Variants in ALS2 observed in about 807,000 individuals in gnomAD.
ALS2 encodes the protein alsin.
In ALS2, 117 loss-of-function variants were observed where a neutral mutation model predicts 203.4. That is an observed-to-expected ratio of 0.58 (90% CI 0.50 to 0.67). The LOEUF is 0.67. Among genes scored for constraint, ALS2 ranks in the 30% least tolerant of loss-of-function variants. The pLI is 0.00. For missense variants in ALS2, 1,715 were observed against 1,989.4 expected, an observed-to-expected ratio of 0.86 and a Z score of 2.62; for synonymous variants, 718 against 725.9, an observed-to-expected ratio of 0.99 and a Z score of 0.17.
intron 29 of ALS2, among the ~76,000 whole-genome samples, chr2:201,706,157 G>A (rs934760789): frequency 3.3e-5 from 5 of 151,984 alleles, no homozygotes; most frequent in African/African-American, 7.3e-5. Context: ...AGGCCGAGGC[G>A]AGCAGATCAC....
In ALS2 at chr2:201,708,020, C is replaced by T. The variant is rs759713373; in HGVS notation, c.4281-29G>A. The stretch of plus-strand genomic sequence containing the variant: ...AGGAAGAATAAAAAATATAATTATA[C>T]AATTATACCTCTAGGGGGGTTGAAA... On this transcript the variant is annotated intron_variant, in intron 27 of 33. Coordinates refer to ENST00000264276, the MANE Select transcript of ALS2 (RefSeq NM_020919.4). The T allele has an allele frequency of 5.0e-6, 8 of 1,592,536 alleles. No individual in the cohort carries two copies. The Admixed American group carries it at 6.7e-5, about 13-fold the overall frequency.
chr2:201,713,245 T>C (rs780492997), intron 25 of ALS2, among the ~76,000 whole-genome samples: 2 of 149,648 alleles, frequency 1.3e-5, no homozygotes, highest in Non-Finnish European at 3.0e-5. Flanking sequence ...CCAGCGATTC[T>C]CCTGCCTCAG....
At chr2:201,742,540 C>A (rs77981413) in intron 10 of ALS2, among the ~76,000 whole-genome samples, 103 of 152,338 alleles carry the variant, frequency 6.8e-4, no homozygotes, top group African/African-American at 2.4e-3. Flanking sequence ...CAGATTTAAC[C>A]TTTCTTTCAG....
rs1559084482 is a variant in ALS2, at chr2:201,761,825, G to GT, written c.176-8dup. On this transcript the variant is annotated splice_polypyrimidine_tract_variant and splice_region_variant and intron_variant, in intron 3 of 33. Coordinates refer to ENST00000264276, the MANE Select transcript of ALS2 (RefSeq NM_020919.4). ...AAGCTGTAGACCTCACCATCTGAAG[G>GT]TTAAAAAAAAGAAAAAAGAAAAAAA... is the stretch of plus-strand genomic sequence containing the variant. The GT allele has an allele frequency of 1.1e-5, 17 of 1,610,094 alleles. No individual in the cohort carries two copies. The highest frequency in any genetic ancestry group is 1.4e-5 in the Non-Finnish European group (17 of 1,178,962).
At chr2:201,708,022 A>C in intron 27 of ALS2, 31 bp from the exon 28 acceptor site, 2 of 1,594,932 alleles carry the variant, frequency 1.3e-6, no homozygotes, top group Non-Finnish European at 1.7e-6. Flanking sequence ...TAATTATACA[A>C]TTATACCTCT....
chr2:201,775,807 G>A (rs559350083), intron 1 of ALS2, among the ~76,000 whole-genome samples: 25 of 152,280 alleles, frequency 1.6e-4, no homozygotes, highest in African/African-American at 6.0e-4. Flanking sequence ...GATATATTCG[G>A]TAGGCTGGCC....
At chr2:201,723,306 A>C in intron 22 of ALS2, 24 bp downstream of exon 22, 1 of 1,564,746 alleles carries the variant, frequency 6.4e-7, no homozygotes, top group Middle Eastern at 1.7e-4. Flanking sequence ...GTTAGTAATA[A>C]CTACATGCAA....
intron 3 of ALS2, 92 bp downstream of exon 3, chr2:201,767,137 C>T: frequency 6.8e-7 from 1 of 1,467,472 alleles, no homozygotes; most frequent in Non-Finnish European, 9.5e-7. Context: ...AAAAAGAACC[C>T]CTAGTATCCA....
At position 201,709,952 on chromosome 2, in the gene ALS2, G is replaced by T. The variant is rs1689935255; in HGVS notation, c.4209C>A (p.Ala1403=). Residue 1403 remains alanine (A), a synonymous_variant, in exon 27 of 34, where the codon GCC becomes GCA. Transcript: ENST00000264276. The part of the protein sequence containing the change: ...VYRMTYVGVG[A]NRRLLQEAVK... ...CAGCCTCCTGCAATAACCTGCGGTT[G>T]GCTCCTACGCCCACGTATGTCATTC... 6.2e-7 allele frequency: 1 copy of T among 1,614,002 alleles called. No homozygotes were observed. The highest frequency in any genetic ancestry group is 1.3e-5 in the African/African-American group (1 of 74,916).
chr2:201,764,674 TAAATAAATAAAA>T (rs1436008937), intron 3 of ALS2, among the ~76,000 whole-genome samples: 1 of 150,580 alleles, frequency 6.6e-6, no homozygotes, highest in South Asian at 2.1e-4. Context: ...AATAAATAAA[TAAATAAATAAAA>T]GTGAATCAAT....
In ALS2 at chr2:201,725,408, G is replaced by A. The variant is rs747783308; in HGVS notation, c.3295C>T (p.His1099Tyr). 9 of 1,613,898 alleles carry A rather than the reference G, an allele frequency of 5.6e-6. No homozygotes were observed. The highest frequency in any genetic ancestry group is 7.6e-6 in the Non-Finnish European group (9 of 1,179,994). ...CCTTCTTTCCAATGGCCCACATAAT[G>A]GTCTTCTTTGTTCATTGCCTTGTTT... ...IPNKAMNKED[H>Y]YVGHWKEGKM... Residue 1099 changes from histidine (H) to tyrosine (Y), a missense_variant, in exon 20 of 34, where the codon CAT becomes TAT. Transcript: ENST00000264276.
intron 20 of ALS2, among the ~76,000 whole-genome samples, chr2:201,724,822 T>C (rs1691046332): frequency 6.6e-6 from 1 of 152,126 alleles, no homozygotes; most frequent in Non-Finnish European, 1.5e-5. Context: ...ATAAGGTATA[T>C]AAAATTTAGG....
chr2:201,766,141 T>A (rs958104577), intron 3 of ALS2, among the ~76,000 whole-genome samples: 1 of 152,234 alleles, frequency 6.6e-6, no homozygotes, highest in African/African-American at 2.4e-5. Flanking sequence ...TTAGCATTAG[T>A]ATTCTGATAG....
rs200448709 is a variant in ALS2, at chr2:201,757,778, A to C, written c.1114-19T>G. The C allele has an allele frequency of 2.5e-4, 383 of 1,549,838 alleles. No homozygotes were observed. The highest frequency in any genetic ancestry group is 3.3e-4 in the Non-Finnish European group (374 of 1,135,030). Reference sequence around the variant, plus strand: ...AAAGAGGCTAAAATATACACACATAAAAAATTATATAAAAATATAATCCCT... The same window carrying C: ...AAAGAGGCTAAAATATACACACATACAAAATTATATAAAAATATAATCCCT... On this transcript the variant is annotated intron_variant, in intron 4 of 33. Coordinates refer to ENST00000264276, the MANE Select transcript of ALS2 (RefSeq NM_020919.4).
chr2:201,705,817 C>T (rs1689674231), intron 29 of ALS2, among the ~76,000 whole-genome samples: 1 of 152,096 alleles, frequency 6.6e-6, no homozygotes, highest in Non-Finnish European at 1.5e-5. Flanking sequence ...GGTGCGTTGA[C>T]ACAGGCCTGT....
intron 3 of ALS2, among the ~76,000 whole-genome samples, chr2:201,762,371 C>T (rs774499078): frequency 6.6e-6 from 1 of 152,214 alleles, no homozygotes. Context: ...CTTAACAAGA[C>T]ATGGCTGTCT....
Position 201,701,894 on chromosome 2 carries a change from A to T in ALS2, c.4936-5T>A. ...CTGAATCTGGTAGTAACATGCCTGGAAGAAAAGTTCAAAATAATTTCAAAT... is the reference window on the plus strand; with the variant it reads ...CTGAATCTGGTAGTAACATGCCTGGTAGAAAAGTTCAAAATAATTTCAAAT... On this transcript the variant is annotated splice_region_variant and splice_polypyrimidine_tract_variant and intron_variant, in intron 33 of 33. Transcript: ENST00000264276. The T allele has an allele frequency of 2.5e-6, 4 of 1,613,680 alleles. No homozygotes were observed. The highest frequency in any genetic ancestry group is 3.4e-6 in the Non-Finnish European group (4 of 1,179,756).
chr2:201,750,539 T>C (rs1458978131), intron 7 of ALS2, among the ~76,000 whole-genome samples: 1 of 151,932 alleles, frequency 6.6e-6, no homozygotes. Context: ...CTTTCATACA[T>C]GAAGAGTTAC....
intron 1 of ALS2, chr2:201,778,333 A>G (rs1694745723): frequency 6.6e-6 from 1 of 152,180 alleles, no homozygotes; most frequent in Admixed American, 6.5e-5. Context: ...AACAAACCCC[A>G]GTCTTTTTCT....
Sources: allele counts gnomAD v4.1 joint callset (sites outside exome capture counted in the v4.1 genomes callset), GRCh38; gene constraint gnomAD v4.1.1; transcripts MANE v1.5; gene names NCBI Gene and HGNC (gene_info 2026-07-23, HGNC 2026-07-21).